Variants in LILRA2 observed in about 807,000 individuals in gnomAD.
LILRA2 encodes leukocyte immunoglobulin-like receptor subfamily A member 2.
A neutral mutation model predicts 47.9 loss-of-function variants in LILRA2; 45 were observed. That is an observed-to-expected ratio of 0.94 (90% CI 0.74 to 1.20). LILRA2 has a LOEUF of 1.20. LILRA2 is among the 50% of genes most tolerant of loss of function. The probability of loss-of-function intolerance (pLI) is 0.00; values close to 1 mark genes in which losing one functional copy is unlikely to be tolerated. For missense variants in LILRA2, 651 were observed against 598.2 expected, an observed-to-expected ratio of 1.09 and a Z score of -0.92; for synonymous variants, 279 against 249.2, an observed-to-expected ratio of 1.12 and a Z score of -1.13.
Position 54,574,319 on chromosome 19 carries a change from C to G in LILRA2, c.89C>G (p.Thr30Ser). ...HVQAGHLPKPTLWAEPGSVII... is the reference protein window; with the variant it reads ...HVQAGHLPKPSLWAEPGSVII... ...CTTCCAGGGCACCTCCCCAAGCCCA[C>G]CCTCTGGGCTGAGCCAGGCTCTGTG... Residue 30 changes from threonine to serine, a missense_variant, in exon 3 of 8, where the codon ACC becomes AGC. Thr to Ser is a moderately conservative substitution (Grantham distance 58). Coordinates refer to ENST00000391738, the MANE Select transcript of LILRA2 (RefSeq NM_001130917.3). The G allele has an allele frequency of 6.2e-7, 1 of 1,614,228 alleles. No homozygotes were observed. The highest frequency in any genetic ancestry group is 8.5e-7 in the Non-Finnish European group (1 of 1,180,018).
chr19:54,577,691 AGG>A (rs1487945470), intron 6 of LILRA2: 1 of 1,284,008 alleles, frequency 7.8e-7, no homozygotes. Flanking sequence ...GAGAATAAGG[AGG>A]GGCCCTGCAC....
rs774592869 is a variant in LILRA2 at position 54,576,117 on chromosome 19, C to A, written c.1255+8C>A. 1.9e-6 allele frequency: 3 copies of A among 1,613,908 alleles called. No individual in the cohort carries two copies. The highest frequency in any genetic ancestry group is 2.5e-6 in the Non-Finnish European group (3 of 1,179,778). ...TGGAGCTCGTGGTCTCAGGTGAGGG[C>A]CCTGATCTTGTCCTCTCCGAGCTCA... On this transcript the variant is annotated splice_region_variant and intron_variant, in intron 6 of 7. Coordinates refer to ENST00000391738, the MANE Select transcript of LILRA2 (RefSeq NM_001130917.3).
intron 6 of LILRA2, among the ~76,000 whole-genome samples, chr19:54,582,996 C>A (rs1393202114): frequency 6.6e-6 from 1 of 152,192 alleles, no homozygotes; most frequent in Non-Finnish European, 1.5e-5. Context: ...TCATTGGTTC[C>A]AAAGAACATC....
chr19:54,579,010 T>C (rs1325966077), intron 6 of LILRA2, among the ~76,000 whole-genome samples: 1 of 152,204 alleles, frequency 6.6e-6, no homozygotes, highest in African/African-American at 2.4e-5. Context: ...ATTCTGGATA[T>C]TAGCACTTTG....
chr19:54,578,732 CCCA>C (rs2062553217), intron 6 of LILRA2, among the ~76,000 whole-genome samples: 1 of 152,200 alleles, frequency 6.6e-6, no homozygotes, highest in Non-Finnish European at 1.5e-5. Context: ...AATTTACACT[CCCA>C]CCAACAGTGT....
At position 54,574,445 on chromosome 19, in the gene LILRA2, G is replaced by C. The variant is rs780079294; in HGVS notation, c.215G>C (p.Arg72Pro). 23 of 1,613,974 alleles carry C rather than the reference G, an allele frequency of 1.4e-5. No homozygotes were observed. In the South Asian group the frequency reaches 2.5e-4, roughly 18 times the overall value. ...RENKSASWVR[R>P]IQEPGKNGQF... ...AACAAATCAGCATCCTGGGTTAGAC[G>C]GATACAAGAGCCTGGGAAGAATGGC... The change falls in exon 3 of 8, where the codon CGG becomes CCG. Residue 72 changes from arginine to proline, a missense_variant. By Grantham distance (103) the Arg-to-Pro change is moderately radical. Coordinates refer to ENST00000391738, the MANE Select transcript of LILRA2 (RefSeq NM_001130917.3).
Position 54,587,022 on chromosome 19 carries a change from C to T in LILRA2, c.1268C>T (p.Thr423Ile). The change falls in exon 7 of 8, where the codon ACC (threonine) becomes ATC (isoleucine). Residue 423 changes from threonine (T) to isoleucine (I), a missense_variant. Physicochemically the swap from Thr to Ile is moderately conservative, Grantham distance 89. Transcript: ENST00000391738. ...LELVVSEAAE[T>I]LSPSQNKTDS... is the part of the protein sequence containing the mutation. Reference sequence around the variant, plus strand: ...TTTTGATTCTCAGAAGCAGCTGAGACCCTCAGCCCATCACAAAACAAGACA... The same window carrying T: ...TTTTGATTCTCAGAAGCAGCTGAGATCCTCAGCCCATCACAAAACAAGACA... 6.2e-7 allele frequency: 1 copy of T among 1,612,688 alleles called. No individual in the cohort carries two copies. Among genetic ancestry groups the T allele is most frequent in the Non-Finnish European group, 8.5e-7 (1 of 1,179,132 alleles).
At chr19:54,584,267 A>T (rs1210369692) in intron 6 of LILRA2, among the ~76,000 whole-genome samples, 1 of 152,116 alleles carries the variant, frequency 6.6e-6, no homozygotes, top group African/African-American at 2.4e-5. Context: ...TGCTCTTCTC[A>T]AGGAGTGTCT....
chr19:54,587,119 G>A (rs767107250), intron 7 of LILRA2, 59 bp downstream of exon 7: 69 of 1,610,518 alleles, frequency 4.3e-5, no homozygotes, highest in Non-Finnish European at 5.5e-5. Flanking sequence ...TCCTGTAAAG[G>A]GGAGGTGGGT....
At chr19:54,580,206 T>TATTTTTA (rs2062605134) in intron 6 of LILRA2, among the ~76,000 whole-genome samples, 1 of 141,130 alleles carries the variant, frequency 7.1e-6, no homozygotes, top group Admixed American at 6.8e-5. Context: ...TCTTTTTTTT[T>TATTTTTA]TTTTTTTATT....
intron 6 of LILRA2, among the ~76,000 whole-genome samples, chr19:54,585,267 C>T (rs1236868389): frequency 2.0e-5 from 3 of 152,186 alleles, no homozygotes; most frequent in Non-Finnish European, 2.9e-5. Flanking sequence ...GCAGTCTGTC[C>T]GTTGTTGGAG....
chr19:54,574,413 T>A lies in LILRA2; in HGVS notation c.183T>A (p.Tyr61Ter). 1 of 1,613,984 alleles carries A rather than the reference T, an allele frequency of 6.2e-7. No individual in the cohort carries two copies. The highest frequency in any genetic ancestry group is 8.5e-7 in the Non-Finnish European group (1 of 1,179,960). The change falls in exon 3 of 8, where the codon TAT becomes TAA. Residue 61 changes from tyrosine (Y) to a stop codon, truncating the protein, a stop_gained. Transcript: ENST00000391738. LOFTEE classifies it high-confidence loss of function. The part of the protein sequence containing the change: ...GSLQAEEYHL[Y>*]RENKSASWVR... ...TTCAGGCTGAGGAGTACCATCTATATAGGGAAAACAAATCAGCATCCTGGG... is the reference window on the plus strand; with the variant it reads ...TTCAGGCTGAGGAGTACCATCTATAAAGGGAAAACAAATCAGCATCCTGGG...
chr19:54,574,284 C>G lies in LILRA2; in HGVS notation c.71-17C>G. The G allele has an allele frequency of 6.2e-7, 1 of 1,613,930 alleles. No individual in the cohort carries two copies. The highest frequency in any genetic ancestry group is 8.5e-7 in the Non-Finnish European group (1 of 1,179,904). ...GGTGGGAAATGACTTAGAATCCGAC[C>G]TCTGATTTCCTTCCAGGGCACCTCC... is the stretch of plus-strand genomic sequence containing the variant. On this transcript the variant is annotated splice_polypyrimidine_tract_variant and intron_variant, in intron 2 of 7. Coordinates refer to ENST00000391738, the MANE Select transcript of LILRA2 (RefSeq NM_001130917.3).
Position 54,576,012 on chromosome 19 carries a change from C to G in LILRA2, c.1158C>G (p.Thr386=). 6.2e-7 allele frequency: 1 copy of G among 1,613,982 alleles called. No homozygotes were observed. The highest frequency in any genetic ancestry group is 8.5e-7 in the Non-Finnish European group (1 of 1,179,966). The change falls in exon 6 of 8, where the codon ACC becomes ACG. Residue 386 remains threonine, a synonymous_variant. Coordinates refer to ENST00000391738, the MANE Select transcript of LILRA2 (RefSeq NM_001130917.3). ...CTGAATTCCGCATGGGTCCTGTGAC[C>G]TCAGCCCACGTGGGGACCTACAGAT... ...NQAEFRMGPV[T]SAHVGTYRCY...
Position 54,576,026 on chromosome 19 carries a change from G to A in LILRA2, c.1172G>A (p.Gly391Glu), listed in dbSNP as rs1413299457. ...RMGPVTSAHVGTYRCYSSLSS... is the reference protein window; with the variant it reads ...RMGPVTSAHVETYRCYSSLSS... The stretch of plus-strand genomic sequence containing the variant: ...GGTCCTGTGACCTCAGCCCACGTGG[G>A]GACCTACAGATGCTACAGCTCACTC... The change falls in exon 6 of 8, where the codon GGG becomes GAG. Residue 391 changes from glycine (G) to glutamate (E), a missense_variant. Physicochemically the swap from Gly to Glu is moderately conservative, Grantham distance 98. Coordinates refer to ENST00000391738, the MANE Select transcript of LILRA2 (RefSeq NM_001130917.3). 2 of 1,613,788 alleles carry A rather than the reference G, an allele frequency of 1.2e-6. No individual in the cohort carries two copies. Among genetic ancestry groups the A allele is most frequent in the South Asian group, 1.1e-5 (1 of 91,088 alleles).
chr19:54,573,632 G>C, upstream of LILRA2: 1 of 864,188 alleles, frequency 1.2e-6, no homozygotes, highest in South Asian at 1.7e-5. Flanking sequence ...AGTGGCTGGG[G>C]GGCAGGAAAG....
upstream of LILRA2, chr19:54,573,723 C>T (rs1455659918): frequency 2.0e-6 from 3 of 1,519,476 alleles, no homozygotes; most frequent in Non-Finnish European, 2.7e-6. Flanking sequence ...AGCCAGGCTC[C>T]TGAGAGGGCA....
intron 6 of LILRA2, chr19:54,577,530 G>A (rs1169698527): frequency 4.7e-6 from 6 of 1,289,638 alleles, no homozygotes; most frequent in Admixed American, 4.6e-5. Flanking sequence ...GACAAGAGAG[G>A]AGGCTGCTTG....
intron 5 of LILRA2, 94 bp downstream of exon 5, chr19:54,575,646 G>A (rs2062388593): frequency 6.3e-6 from 10 of 1,575,162 alleles, no homozygotes; most frequent in African/African-American, 2.7e-5. Context: ...AGGGTTGGGG[G>A]TCCCAAGGGA....
Sources: allele counts gnomAD v4.1 joint callset (sites outside exome capture counted in the v4.1 genomes callset), GRCh38; gene constraint gnomAD v4.1.1; transcripts MANE v1.5; gene names NCBI Gene and HGNC (gene_info 2026-07-23, HGNC 2026-07-21).